PPP1R7: variants seen among roughly 807,000 people sequenced by gnomAD.
The protein encoded by PPP1R7 is protein phosphatase 1 regulatory subunit 22.
A neutral mutation model predicts 45.2 loss-of-function variants in PPP1R7; 18 were observed. That is an observed-to-expected ratio of 0.40 (90% CI 0.28 to 0.59). PPP1R7 has a LOEUF of 0.59. Ranked by LOEUF, PPP1R7 falls within the 20% of genes least tolerant of loss-of-function variation. The probability of loss-of-function intolerance (pLI) is 0.46; values close to 1 mark genes in which losing one functional copy is unlikely to be tolerated. For synonymous variants in PPP1R7, 181 were observed against 183.4 expected, an observed-to-expected ratio of 0.99 and a Z score of 0.11; for missense variants, 314 against 455.8, an observed-to-expected ratio of 0.69 and a Z score of 2.83.
chr2:241,150,018 G>A, upstream of PPP1R7: 1 of 1,394,606 alleles, frequency 7.2e-7, no homozygotes, highest in South Asian at 1.5e-5. Flanking sequence ...TCGGCCCATT[G>A]TACAGACGCA....
chr2:241,154,049 G>A (rs535809863), intron 2 of PPP1R7, among the ~76,000 whole-genome samples: 23 of 151,556 alleles, frequency 1.5e-4, no homozygotes, highest in African/African-American at 5.3e-4. Context: ...GCGTGGCAGC[G>A]TGTGCCTGTA....
chr2:241,150,313 G>T (rs1215449867), upstream of PPP1R7: 5 of 1,334,342 alleles, frequency 3.7e-6, no homozygotes, highest in South Asian at 6.4e-5. Context: ...TGCTCTGGGG[G>T]AGGCGCGGCG....
Position 241,183,204 on chromosome 2 carries a change from T to C in PPP1R7, c.*381T>C. 2.6e-6 allele frequency: 1 copy of C among 379,402 alleles called. No homozygotes were observed. The highest frequency in any genetic ancestry group is 5.2e-6 in the Non-Finnish European group (1 of 190,690). 23.5% of individuals were successfully genotyped at this position (379,402 alleles called of 1,614,324 possible). A position where few individuals can be genotyped will look rare whatever the true frequency, so the allele number is the denominator to read the frequency against. Reference sequence around the variant, plus strand: ...CATTCACGTGCTGTCCGAGTGGCATTCGGGGGCTGGCCTAGCTGGCCCTAG... The same window carrying C: ...CATTCACGTGCTGTCCGAGTGGCATCCGGGGGCTGGCCTAGCTGGCCCTAG... On this transcript the variant is annotated 3_prime_UTR_variant, in exon 10 of 10. Coordinates refer to ENST00000234038, the MANE Select transcript of PPP1R7 (RefSeq NM_002712.3).
At chr2:241,166,001 C>T (rs1487058001) in intron 7 of PPP1R7, among the ~76,000 whole-genome samples, 2 of 149,180 alleles carry the variant, frequency 1.3e-5, no homozygotes, top group African/African-American at 4.9e-5. Flanking sequence ...CTCCCGGGTT[C>T]ACGCCGTTCT....
chr2:241,180,347 C>T (rs1358763375), intron 9 of PPP1R7, among the ~76,000 whole-genome samples: 1 of 127,246 alleles, frequency 7.9e-6, no homozygotes, highest in Non-Finnish European at 1.6e-5. Flanking sequence ...GAAGAATTGT[C>T]TTGGGCTACA....
At chr2:241,177,147 C>T (rs1219198155) in intron 9 of PPP1R7, among the ~76,000 whole-genome samples, 1 of 152,210 alleles carries the variant, frequency 6.6e-6, no homozygotes, top group African/African-American at 2.4e-5. Context: ...AGGAGAATTG[C>T]TTGAACCCAG....
intron 7 of PPP1R7, among the ~76,000 whole-genome samples, chr2:241,164,303 C>T (rs112953141): frequency 0.025 from 3,763 of 152,254 alleles, 145 homozygotes; most frequent in African/African-American, 0.085. Context: ...GGAGCTTATT[C>T]TAAATTCTAA....
In PPP1R7 at chr2:241,163,297, A is replaced by G. The variant is rs775762071; in HGVS notation, c.610A>G (p.Ile204Val). 5.0e-6 allele frequency: 8 copies of G among 1,612,014 alleles called. No homozygotes were observed. In the African/African-American group the frequency reaches 1.1e-4, roughly 22 times the overall value. ...GSNRIRAIEN[I>V]DTLTNLESLF... ...GTCCTTTCCACAGGCAATCGAAAAT[A>G]TCGACACCTTAACCAACCTGGAGAG... Residue 204 changes from isoleucine (I) to valine (V), a missense_variant, in exon 7 of 10, where the codon ATC becomes GTC. Physicochemically the swap from Ile to Val is conservative, Grantham distance 29 (BLOSUM62 3). This residue lies in a region of PPP1R7 where 168 missense variants were observed against 285.3 expected (regional missense o/e 0.59). Coordinates refer to ENST00000234038, the MANE Select transcript of PPP1R7 (RefSeq NM_002712.3).
At chr2:241,173,291 AAAG>A (rs2067851912) in intron 9 of PPP1R7, among the ~76,000 whole-genome samples, 1 of 142,642 alleles carries the variant, frequency 7.0e-6, no homozygotes, top group Non-Finnish European at 1.6e-5. Context: ...AAAAAAAAAA[AAAG>A]GACGGGATCT....
At chr2:241,166,308 C>G in intron 7 of PPP1R7, 29 bp from the exon 8 acceptor site, 2 of 1,582,490 alleles carry the variant, frequency 1.3e-6, no homozygotes, top group Non-Finnish European at 1.7e-6. Flanking sequence ...CTGTACTGTT[C>G]TGACAGCTGT....
chr2:241,149,933 C>T, upstream of PPP1R7: 1 of 1,428,804 alleles, frequency 7.0e-7, no homozygotes, highest in Admixed American at 2.9e-5. Context: ...CTGCTCCGAG[C>T]GTCAAGAGAA....
intron 7 of PPP1R7, among the ~76,000 whole-genome samples, chr2:241,164,409 T>A (rs1282443938): frequency 6.6e-6 from 1 of 152,228 alleles, no homozygotes; most frequent in Non-Finnish European, 1.5e-5. Flanking sequence ...AGCACTTGGG[T>A]GTGCCTAGGC....
chr2:241,151,064 G>C (rs1203847288), intron 1 of PPP1R7, among the ~76,000 whole-genome samples: 3 of 152,190 alleles, frequency 2.0e-5, no homozygotes, highest in South Asian at 4.1e-4. Context: ...AGCTGTCATA[G>C]TTCCAAAAAG....
chr2:241,163,526 A>T (rs1253818307), intron 7 of PPP1R7, 125 bp downstream of exon 7: 5 of 678,894 alleles, frequency 7.4e-6, no homozygotes, highest in Non-Finnish European at 1.3e-5. Flanking sequence ...TTAGTAAGCA[A>T]TTGAAACATT....
chr2:241,174,386 A>G (rs1239708133), intron 9 of PPP1R7, among the ~76,000 whole-genome samples: 2 of 152,168 alleles, frequency 1.3e-5, no homozygotes, highest in Non-Finnish European at 2.9e-5. Flanking sequence ...TCTTCAGTCC[A>G]GGATTCCACA....
chr2:241,173,743 G>A (rs1020889375), intron 9 of PPP1R7, among the ~76,000 whole-genome samples: 6 of 152,152 alleles, frequency 3.9e-5, no homozygotes, highest in African/African-American at 1.2e-4. Context: ...CCTCCACCCT[G>A]CTCCACCCCT....
At chr2:241,150,278 TC>T (rs375554279), upstream of PPP1R7, 77 of 1,319,276 alleles carry the variant, frequency 5.8e-5, no homozygotes, top group African/African-American at 1.0e-3. Flanking sequence ...TCCAGACTGT[TC>T]CGGCTCCGCC....
chr2:241,173,269 C>CAAAAAAAAAAAAA (rs540011262), intron 9 of PPP1R7, among the ~76,000 whole-genome samples: 1 of 90,674 alleles, frequency 1.1e-5, no homozygotes, highest in African/African-American at 5.9e-5. Context: ...AAGACTTTCT[C>CAAAAAAAAAAAAA]AAAAAAAAAA....
intron 9 of PPP1R7, among the ~76,000 whole-genome samples, chr2:241,174,678 C>CTTT (rs60135098): frequency 1.4e-5 from 2 of 144,788 alleles, no homozygotes; most frequent in African/African-American, 5.0e-5. Context: ...ATTTTATCCT[C>CTTT]TTTTTTTTTT....
Sources: allele counts gnomAD v4.1 joint callset (sites outside exome capture counted in the v4.1 genomes callset), GRCh38; gene constraint gnomAD v4.1.1; regional missense constraint gnomAD v4.1.1; transcripts MANE v1.5; gene names NCBI Gene and HGNC (gene_info 2026-07-23, HGNC 2026-07-21).